The following ABCA2 variants were observed in gnomAD, a reference collection of about 807,000 sequenced individuals.
ABCA2 encodes ATP binding cassette subfamily A member 2, also known as ATP-binding cassette sub-family A member 2.
In ABCA2, 84 loss-of-function variants were observed where a neutral mutation model predicts 262.8. That is an observed-to-expected ratio of 0.32 (90% confidence interval 0.27 to 0.38). The LOEUF (loss-of-function observed/expected upper bound fraction) is 0.38, where lower values mean the gene tolerates loss of function less well. Ranked by LOEUF, ABCA2 falls within the 10% of genes least tolerant of loss-of-function variation. The pLI is 1.00. For synonymous variants in ABCA2, 1,696 were observed against 1,502.9 expected (o/e 1.13, Z -2.97); for missense variants, 2,662 against 3,405.9 (o/e 0.78, Z 5.44).
chr9:137,020,780 C>T lies in ABCA2; in HGVS notation c.1179G>A (p.Leu393=). Residue 393 remains leucine, a synonymous_variant, in exon 9 of 49, where the codon CTG becomes CTA. Coordinates refer to ENST00000341511, the MANE Select transcript of ABCA2 (RefSeq NM_001606.5). ...AEEGAPSAAA[L]ATPDTLQGQC... ...GGCCCTGCAGCGTGTCCGGGGTGGC[C>T]AGTGCTGCAGCAGAGGGTGCGCCCT... The T allele has an allele frequency of 3.1e-6, 5 of 1,592,934 alleles. No individual in the cohort carries two copies. The highest frequency in any genetic ancestry group is 4.3e-6 in the Non-Finnish European group (5 of 1,171,998).
At chr9:137,026,526 G>A (rs781180381) in intron 1 of ABCA2, among the ~76,000 whole-genome samples, 1 of 152,212 alleles carries the variant, frequency 6.6e-6, no homozygotes, top group Non-Finnish European at 1.5e-5. Context: ...TCCAGCCATG[G>A]GCTAAGGACC....
In ABCA2 at chr9:137,021,817, C is replaced by T; in HGVS notation, c.678+74G>A. On this transcript the variant is annotated intron_variant, in intron 7 of 48. Coordinates refer to ENST00000341511, the MANE Select transcript of ABCA2 (RefSeq NM_001606.5). This position sits in a 1 kb window ranked among gnomAD's most constrained non-coding sequence, Gnocchi z 6.0. ...CTCCAAGTCACCAAAGGGGCCCTTT[C>T]CTCACCCACGGAGCAGAAGCACCCC... The T allele has an allele frequency of 1.4e-6, 2 of 1,417,226 alleles. No individual in the cohort carries two copies. 87.8% of individuals were successfully genotyped at this position (1,417,226 alleles called of 1,614,324 possible).
At chr9:137,025,437 C>T (rs559225590) in intron 1 of ABCA2, among the ~76,000 whole-genome samples, 17 of 152,374 alleles carry the variant, frequency 1.1e-4, no homozygotes, top group Non-Finnish European at 2.1e-4. Flanking sequence ...ATCCCCATCC[C>T]AAAACCCTTC....
intron 20 of ABCA2, 34 bp downstream of exon 20, chr9:137,016,540 C>T (rs764824938): frequency 3.7e-6 from 6 of 1,612,080 alleles, no homozygotes; most frequent in Non-Finnish European, 8.5e-7. Flanking sequence ...GAACCCAGCG[C>T]CCACCCCAGC....
Position 137,028,164 on chromosome 9 carries a change from C to T in ABCA2, c.-24G>A. 1.0e-6 allele frequency: 1 copy of T among 981,458 alleles called. No individual in the cohort carries two copies. Among genetic ancestry groups the T allele is most frequent in the Non-Finnish European group, 1.2e-6 (1 of 828,440 alleles). The allele number at this position is 981,458 out of a possible 1,614,324, so 60.8% of individuals were successfully genotyped here. A position where few individuals can be genotyped will look rare whatever the true frequency, so the allele number is the denominator to read the frequency against. On this transcript the variant is annotated 5_prime_UTR_variant, in exon 1 of 49. It removes the in-frame stop codon of an upstream open reading frame in the 5' UTR. Coordinates refer to ENST00000341511, the MANE Select transcript of ABCA2 (RefSeq NM_001606.5). This position sits in a 1 kb window ranked among gnomAD's most constrained non-coding sequence, Gnocchi z 6.9. ...ATGGCGGGGCCACGCTCCGCCGCCTCAGCGCCGCGGCCCGCTCCTCTGCGC... is the reference window on the plus strand; with the variant it reads ...ATGGCGGGGCCACGCTCCGCCGCCTTAGCGCCGCGGCCCGCTCCTCTGCGC...
intron 1 of ABCA2, among the ~76,000 whole-genome samples, chr9:137,025,154 C>T (rs751044783): frequency 1.3e-5 from 2 of 152,136 alleles, no homozygotes; most frequent in African/African-American, 2.4e-5. Context: ...TTCCCCAGGT[C>T]GGCTCCTGCT....
At chr9:137,010,833 G>T in intron 39 of ABCA2, 96 bp from the exon 40 acceptor site, 1 of 1,453,352 alleles carries the variant, frequency 6.9e-7, no homozygotes, top group African/African-American at 1.4e-5. Flanking sequence ...CATGTAAGAA[G>T]GGTGGGCAGG....
chr9:137,014,645 G>T, intron 26 of ABCA2, 45 bp downstream of exon 26: 1 of 1,584,362 alleles, frequency 6.3e-7, no homozygotes, highest in South Asian at 1.2e-5. Context: ...CCGAGCTGGG[G>T]CCTTGTGGGT....
In ABCA2 at chr9:137,011,175, G is replaced by A; in HGVS notation, c.5923+11C>T. 4 of 1,612,374 alleles carry A rather than the reference G, an allele frequency of 2.5e-6. No homozygotes were observed. The highest frequency in any genetic ancestry group is 3.4e-6 in the Non-Finnish European group (4 of 1,179,784). On this transcript the variant is annotated intron_variant, in intron 38 of 48. Coordinates refer to ENST00000341511, the MANE Select transcript of ABCA2 (RefSeq NM_001606.5). This position sits in a 1 kb window ranked among gnomAD's most constrained non-coding sequence, Gnocchi z 8.8. ...CCCCCACCGCCTTCCCCGCCCCACG[G>A]GCCCCCTCACCAATCTTGGCGTAGT...
In ABCA2 at chr9:137,015,609, C is replaced by A. The variant is rs1831230296; in HGVS notation, c.3515-13G>T. 1.2e-6 allele frequency: 2 copies of A among 1,612,068 alleles called. No homozygotes were observed. The highest frequency in any genetic ancestry group is 2.7e-5 in the African/African-American group (2 of 74,920). Reference sequence around the variant, plus strand: ...AGGATGGTGCGGCCTAGGACAAGGCCAGACCCAGGGTCAGGGGGCAGGGGA... The same window carrying A: ...AGGATGGTGCGGCCTAGGACAAGGCAAGACCCAGGGTCAGGGGGCAGGGGA... On this transcript the variant is annotated splice_polypyrimidine_tract_variant and intron_variant, in intron 23 of 48. Coordinates refer to ENST00000341511, the MANE Select transcript of ABCA2 (RefSeq NM_001606.5).
rs568812853 is a variant in ABCA2, at chr9:137,020,609, ACCT to A, written c.1265+82_1265+84del. ...GGCACAGGGCAGGGCGCCAAATGAG[ACCT>A]CCAGAGCCAGAGCCTAGATTCAGGG... On this transcript the variant is annotated intron_variant, in intron 9 of 48. Transcript: ENST00000341511. 75 of 1,557,366 alleles carry A rather than the reference ACCT, an allele frequency of 4.8e-5. No individual in the cohort carries two copies. The African/African-American group carries it at 9.3e-4, about 19-fold the overall frequency.
chr9:137,010,944 G>T (rs764940469), intron 39 of ABCA2, 29 bp downstream of exon 39: 4 of 266,412 alleles, frequency 1.5e-5, no homozygotes, highest in East Asian at 8.7e-5. Flanking sequence ...CTCCCGCCCC[G>T]CCCCCGCCCC....
chr9:137,028,802 C>T (rs779286062), upstream of ABCA2: 106 of 1,303,886 alleles, frequency 8.1e-5, no homozygotes, highest in South Asian at 1.3e-3. The surrounding 1 kb of genome is among the most constrained non-coding windows in gnomAD (Gnocchi z 6.9). Flanking sequence ...GCCCCAGGAA[C>T]GCTCGCCGTG....
In ABCA2 at chr9:137,009,866, T is replaced by C. The variant is rs1449894644; in HGVS notation, c.6533A>G (p.Lys2178Arg). 4 of 1,612,128 alleles carry C rather than the reference T, an allele frequency of 2.5e-6. No homozygotes were observed. The East Asian group carries it at 8.9e-5, about 36-fold the overall frequency. Residue 2178 changes from lysine to arginine, a missense_variant, in exon 43 of 49, where the codon AAG becomes AGG. This residue lies in a region of ABCA2 where 602 missense variants were observed against 897.4 expected (regional missense o/e 0.67). Transcript: ENST00000341511. Reference sequence around the variant, plus strand: ...GGTGCCAGCCGGCTTGTCTGCGTACTTGGTCAGCTCCAGCTTCTCCAGAGC... The same window carrying C: ...GGTGCCAGCCGGCTTGTCTGCGTACCTGGTCAGCTCCAGCTTCTCCAGAGC... ...KWALEKLELTKYADKPAGTYS... is the reference protein window; with the variant it reads ...KWALEKLELTRYADKPAGTYS...
At position 137,016,464 on chromosome 9, in the gene ABCA2, G is replaced by A; in HGVS notation, c.2931C>T (p.Thr977=). The change falls in exon 21 of 49, where the codon ACC becomes ACT. Residue 977 remains threonine, a synonymous_variant. Transcript: ENST00000341511. ...CAMESRRFEE[T]RGMEEEPTHL... ...GGGTGGGCTCCTCCTCCATGCCACG[G>A]GTCTCCTCTGCACCAGGGCTGTGGA... 6.2e-7 allele frequency: 1 copy of A among 1,612,794 alleles called. No individual in the cohort carries two copies. The highest frequency in any genetic ancestry group is 8.5e-7 in the Non-Finnish European group (1 of 1,179,976).
In ABCA2 at chr9:137,021,700, G is replaced by A; in HGVS notation, c.679-90C>T. On this transcript the variant is annotated intron_variant, in intron 7 of 48. Transcript: ENST00000341511. This position sits in a 1 kb window ranked among gnomAD's most constrained non-coding sequence, Gnocchi z 6.0. Reference sequence around the variant, plus strand: ...AGGCCTCACCCTGCCCCACCCACTGGCTGGCTCTGGGGCTGCCTGGGTCCC... The same window carrying A: ...AGGCCTCACCCTGCCCCACCCACTGACTGGCTCTGGGGCTGCCTGGGTCCC... 3 of 1,405,004 alleles carry A rather than the reference G, an allele frequency of 2.1e-6. No homozygotes were observed. Among genetic ancestry groups the A allele is most frequent in the South Asian group, 1.3e-5 (1 of 76,808 alleles). 87.0% of individuals were successfully genotyped at this position (1,405,004 alleles called of 1,614,324 possible).
rs1428849461 is a variant in ABCA2 at position 137,014,408 on chromosome 9, C to T, written c.4004-4G>A. The stretch of plus-strand genomic sequence containing the variant: ...TCCTTCCTGGACTCCTTCACATCTG[C>T]CGCAGTGGAAGGGCCGAGGGGACAC... On this transcript the variant is annotated splice_polypyrimidine_tract_variant and splice_region_variant and intron_variant, in intron 26 of 48. Transcript: ENST00000341511. The T allele has an allele frequency of 4.4e-6, 7 of 1,583,462 alleles. No homozygotes were observed. Among genetic ancestry groups the T allele is most frequent in the East Asian group, 2.3e-5 (1 of 43,092 alleles).
chr9:137,008,306 G>T, intron 48 of ABCA2, 110 bp downstream of exon 48: 1 of 1,293,046 alleles, frequency 7.7e-7, no homozygotes, highest in Non-Finnish European at 1.1e-6. Flanking sequence ...CCTCTGGACA[G>T]CAAGCATCCT....
chr9:137,009,958 C>A, intron 42 of ABCA2, 25 bp downstream of exon 42: 1 of 1,594,970 alleles, frequency 6.3e-7, no homozygotes. Context: ...GTGCTGACTC[C>A]CTGCCCCGCC....
Sources: allele counts gnomAD v4.1 joint callset (sites outside exome capture counted in the v4.1 genomes callset), GRCh38; gene constraint gnomAD v4.1.1; regional missense constraint gnomAD v4.1.1; non-coding constraint Gnocchi (gnomAD v3.1); transcripts MANE v1.5; gene names NCBI Gene and HGNC (gene_info 2026-07-23, HGNC 2026-07-21).